CFAP47: variants seen among roughly 807,000 people sequenced by gnomAD.
CFAP47 encodes the protein cilia- and flagella-associated protein 47.
A neutral mutation model predicts 148.1 loss-of-function variants in CFAP47; 29 were observed. The observed-to-expected ratio is 0.20, with a 90% confidence interval of 0.15 to 0.27. The LOEUF (loss-of-function observed/expected upper bound fraction) is 0.27, where lower values mean the gene tolerates loss of function less well. CFAP47 is among the 10% of genes least tolerant of loss of function. CFAP47 has a pLI of 1.00. For synonymous variants in CFAP47, 664 were observed against 577.3 expected (o/e 1.15, Z -2.15); for missense variants, 1,872 against 1,697.5 (o/e 1.10, Z -1.81).
At chrX:35,948,213 A>G (rs1936111910) in intron 3 of CFAP47, 101 bp from the exon 4 acceptor site, 2 of 749,703 alleles carry the variant, frequency 2.7e-6, no homozygotes, top group Non-Finnish European at 3.9e-6. Flanking sequence ...TGGGTTAGGC[A>G]AGCTTGGTCT....
chrX:35,951,677 G>A (rs890945163), intron 5 of CFAP47, 126 bp from the exon 6 acceptor site: 23 of 768,360 alleles, frequency 3.0e-5, no homozygotes, highest in Non-Finnish European at 4.0e-5. Context: ...ATGTGTAAAT[G>A]TTACTTTAAA....
intron 30 of CFAP47, among the ~76,000 whole-genome samples, chrX:36,093,794 C>T (rs1452273086): frequency 3.6e-5 from 4 of 110,787 alleles, no homozygotes; most frequent in African/African-American, 1.3e-4. Flanking sequence ...GGTTATCAAC[C>T]CTTGACAGAT....
chrX:36,303,616 C>T (rs190369029), intron 53 of CFAP47, among the ~76,000 whole-genome samples: 28 of 110,667 alleles, frequency 2.5e-4, no homozygotes, highest in African/African-American at 8.2e-4. Flanking sequence ...ACAAAGACAC[C>T]AGTCATACTG....
At chrX:36,211,593 G>T in intron 45 of CFAP47, 1 of 264,274 alleles carries the variant, frequency 3.8e-6, no homozygotes. Context: ...GGATATTGCT[G>T]CATATCAAGC....
At chrX:36,321,547 CAA>C (rs2146968164) in intron 57 of CFAP47, among the ~76,000 whole-genome samples, 1 of 111,740 alleles carries the variant, frequency 8.9e-6, no homozygotes, top group East Asian at 2.8e-4. Context: ...ATTTGTAACA[CAA>C]AGAGTAAATG....
At chrX:36,369,481 C>G (rs1305501568) in intron 62 of CFAP47, among the ~76,000 whole-genome samples, 1 of 110,291 alleles carries the variant, frequency 9.1e-6, no homozygotes, top group African/African-American at 3.3e-5. Context: ...ATGGAATTAT[C>G]CCCCATAAGT....
chrX:36,071,881 G>A lies in CFAP47; in HGVS notation c.4375G>A (p.Ala1459Thr). 1 of 1,205,022 alleles carries A rather than the reference G, an allele frequency of 8.3e-7. No individual in the cohort carries two copies. The highest frequency in any genetic ancestry group is 1.1e-6 in the Non-Finnish European group (1 of 890,015). The change falls in exon 28 of 64, where the codon GCT (alanine) becomes ACT (threonine). Residue 1459 changes from alanine to threonine, a missense_variant. By Grantham distance (58) the Ala-to-Thr change is moderately conservative. Coordinates refer to ENST00000378653, the MANE Select transcript of CFAP47 (RefSeq NM_001304548.2). ...TGGTGTTTTGCCTCCCTACCAGGAT[G>A]CTAAACCACCCTCTCCTGCTTCAAT... Reference protein sequence around the residue: ...RDGVLPPYQDAKPPSPASIKK... With the variant: ...RDGVLPPYQDTKPPSPASIKK...
intron 9 of CFAP47, 74 bp downstream of exon 9, chrX:35,966,828 T>G (rs1011017006): frequency 1.3e-6 from 1 of 769,062 alleles, no homozygotes; most frequent in East Asian, 3.7e-5. Context: ...ATATACTAAT[T>G]GCTTAATTAC....
chrX:36,375,161 G>A (rs1556022675), intron 62 of CFAP47: 8 of 315,013 alleles, frequency 2.5e-5, no homozygotes, highest in Non-Finnish European at 4.1e-5. Flanking sequence ...GAGAGCATCA[G>A]CCAGGACATT....
intron 37 of CFAP47, among the ~76,000 whole-genome samples, chrX:36,151,466 A>G (rs1011506253): frequency 8.9e-6 from 1 of 111,844 alleles, no homozygotes; most frequent in African/African-American, 3.2e-5. Context: ...GTCAATATCT[A>G]TATAGTATGC....
chrX:35,955,973 A>G lies in CFAP47; in HGVS notation c.1187A>G (p.Gln396Arg). The change falls in exon 8 of 64, where the codon CAG becomes CGG. Residue 396 changes from glutamine (Q) to arginine (R), a missense_variant. Transcript: ENST00000378653. ...ATTGCTTTTACAGGTGAACGATTTC[A>G]GAAAGTGGAATTAGCACTGACAGGC... ...DYKTIKSERF[Q>R]KVELALTGTG... 1 of 1,210,819 alleles carries G rather than the reference A, an allele frequency of 8.3e-7. No homozygotes were observed. Among genetic ancestry groups the G allele is most frequent in the South Asian group, 1.8e-5 (1 of 56,596 alleles).
intron 21 of CFAP47, among the ~76,000 whole-genome samples, chrX:36,002,529 C>T (rs1260852911): frequency 2.7e-5 from 3 of 110,741 alleles, no homozygotes; most frequent in Non-Finnish European, 5.7e-5. Context: ...TTGCAATGAG[C>T]CAAGATCGCG....
intron 26 of CFAP47, among the ~76,000 whole-genome samples, chrX:36,050,422 G>T (rs1297382647): frequency 2.7e-5 from 3 of 111,498 alleles, no homozygotes; most frequent in Non-Finnish European, 5.6e-5. Flanking sequence ...TCAGGCTGAG[G>T]TGGTCTCAGA....
intron 33 of CFAP47, among the ~76,000 whole-genome samples, chrX:36,133,846 A>G (rs917383937): frequency 1.8e-5 from 2 of 109,887 alleles, no homozygotes; most frequent in African/African-American, 3.3e-5. Flanking sequence ...AAAAAAGAAA[A>G]TAACAAACCA....
At chrX:36,303,281 G>T (rs781861999) in intron 53 of CFAP47, among the ~76,000 whole-genome samples, 1 of 111,448 alleles carries the variant, frequency 9.0e-6, no homozygotes, top group Non-Finnish European at 1.9e-5. Context: ...CAAACACCTG[G>T]GCTAGAGCGA....
chrX:36,030,674 TC>T (rs1382151755), intron 22 of CFAP47, among the ~76,000 whole-genome samples: 3 of 111,053 alleles, frequency 2.7e-5, no homozygotes, highest in Non-Finnish European at 5.7e-5. Context: ...CCTTTAGTTT[TC>T]ATTAAGAATT....
chrX:35,937,201 T>C (rs2080231616), intron 2 of CFAP47, among the ~76,000 whole-genome samples: 1 of 102,419 alleles, frequency 9.8e-6, no homozygotes, highest in Admixed American at 1.1e-4. Flanking sequence ...ACTCCTCTTC[T>C]GCAGGATCTC....
intron 2 of CFAP47, among the ~76,000 whole-genome samples, chrX:35,929,656 T>A (rs1331146109): frequency 9.0e-6 from 1 of 110,968 alleles, no homozygotes; most frequent in African/African-American, 3.3e-5. Context: ...GCTTTTTACC[T>A]TTTTTTCTTT....
intron 52 of CFAP47, 149 bp from the exon 53 acceptor site, chrX:36,300,923 T>C (rs1556007697): frequency 8.2e-6 from 3 of 367,922 alleles, no homozygotes; most frequent in Non-Finnish European, 4.8e-6. Context: ...AAAATACATC[T>C]ACAAAAAGAG....
Sources: gnomAD v4.1 joint callset for allele counts (sites outside exome capture counted in the v4.1 genomes callset) on GRCh38, gnomAD v4.1.1 for gene constraint, MANE v1.5 for transcripts, NCBI Gene and HGNC (gene_info 2026-07-23, HGNC 2026-07-21) for gene names.